The following EBF3 variants were observed in gnomAD, a reference collection of about 807,000 sequenced individuals.
The protein encoded by EBF3 is EBF transcription factor 3.
EBF3 carries 18 observed loss-of-function variants against 77.1 expected under a neutral mutation model. That is an observed-to-expected ratio of 0.23 (90% CI 0.16 to 0.35). EBF3 has a LOEUF of 0.35. Ranked by LOEUF, EBF3 falls within the 10% of genes least tolerant of loss-of-function variation. The probability of loss-of-function intolerance (pLI) is 1.00; values close to 1 mark genes in which losing one functional copy is unlikely to be tolerated. For missense variants in EBF3, 558 were observed against 860.0 expected (o/e 0.65, Z 4.39); for synonymous variants, 350 against 343.5 (o/e 1.02, Z -0.21).
chr10:129,950,876 G>T (rs1858625233), intron 6 of EBF3, among the ~76,000 whole-genome samples: 1 of 152,176 alleles, frequency 6.6e-6, no homozygotes, highest in Admixed American at 6.5e-5. Flanking sequence ...CAGAAGCTTT[G>T]CCAACTGCAG....
chr10:129,900,250 G>A lies in EBF3; in HGVS notation c.555-22401C>T, dbSNP rs191423766. Among the ~76,000 whole-genome samples, 236 of 152,302 alleles carry A rather than the reference G, an allele frequency of 1.5e-3. 2 individuals are homozygous for A. The highest frequency in any genetic ancestry group is 8.4e-3 in the Admixed American group (128 of 15,296). On this transcript the variant is annotated intron_variant, in intron 6 of 16. Coordinates refer to ENST00000440978, the MANE Select transcript of EBF3 (RefSeq NM_001375380.1). ...ATCTTCCATCCAAACAGTGTCAGAT[G>A]AAGTTAAAAGACCTGGTAAATGTGC...
At chr10:129,867,653 G>T in intron 9 of EBF3, 129 bp downstream of exon 9, 1 of 1,457,306 alleles carries the variant, frequency 6.9e-7, no homozygotes, top group Non-Finnish European at 9.2e-7. Flanking sequence ...GCTGCCACAG[G>T]CGAACAGTGC....
intron 6 of EBF3, among the ~76,000 whole-genome samples, chr10:129,925,843 C>T (rs972674423): frequency 2.0e-5 from 3 of 152,138 alleles, no homozygotes; most frequent in Admixed American, 6.5e-5. Flanking sequence ...TAGCTCCTTC[C>T]GCTGGTCTAG....
rs1858259687 is a variant in EBF3, at chr10:129,946,783, G to A, written c.554+10475C>T. ...CCACACAAAGGTGCACCTCTGGATG[G>A]GGAACCTCACCATTTATTAACTTGC... On this transcript the variant is annotated intron_variant, in intron 6 of 16. Transcript: ENST00000440978. 2.6e-5 allele frequency among the ~76,000 whole-genome samples: 4 copies of A among 152,314 alleles called. No homozygotes were observed. The South Asian group carries it at 8.3e-4, about 32-fold the overall frequency.
intron 6 of EBF3, among the ~76,000 whole-genome samples, chr10:129,915,288 C>G (rs940382844): frequency 2.6e-5 from 4 of 152,292 alleles, no homozygotes; most frequent in African/African-American, 9.6e-5. Flanking sequence ...CAGCCCGGAG[C>G]AGGACCCCCC....
At chr10:129,902,554 C>T (rs996272642) in intron 6 of EBF3, among the ~76,000 whole-genome samples, 2 of 152,172 alleles carry the variant, frequency 1.3e-5, no homozygotes, top group Admixed American at 6.5e-5. Flanking sequence ...AGTCCCAGAA[C>T]AGACAACCCA....
intron 15 of EBF3, 51 bp downstream of exon 15, chr10:129,840,194 C>A (rs751108133): frequency 3.1e-5 from 47 of 1,506,684 alleles, no homozygotes; most frequent in Admixed American, 8.2e-5. Context: ...ACTCCCATCC[C>A]CACCCCTGGA....
At position 129,958,893 on chromosome 10, in the gene EBF3, G is replaced by T. The variant is rs577376771; in HGVS notation, c.485+41C>A. ...GTCCTTTGTAGACGCAGCTGGCGCC[G>T]AGGCAGCCCGCGCCCCCGCCGCCCG... On this transcript the variant is annotated intron_variant, in intron 5 of 16. Transcript: ENST00000440978. The T allele has an allele frequency of 5.1e-6, 8 of 1,576,516 alleles. No individual in the cohort carries two copies. The African/African-American group carries it at 5.6e-5, about 11-fold the overall frequency.
Position 129,963,067 on chromosome 10 carries a change from C to A in EBF3, c.292-62G>T. 1.3e-6 allele frequency: 2 copies of A among 1,599,198 alleles called. No individual in the cohort carries two copies. The highest frequency in any genetic ancestry group is 1.1e-5 in the South Asian group (1 of 90,714). On this transcript the variant is annotated intron_variant, in intron 2 of 16. Coordinates refer to ENST00000440978, the MANE Select transcript of EBF3 (RefSeq NM_001375380.1). This position sits in a 1 kb window ranked among gnomAD's most constrained non-coding sequence, Gnocchi z 7.1. The stretch of plus-strand genomic sequence containing the variant: ...CGGTGTCAGGCGCGGCCACCACGCT[C>A]GGTCCCCCTCCGCGACCGAGGCTCT...
chr10:129,921,064 T>C lies in EBF3; in HGVS notation c.554+36194A>G, dbSNP rs1387604181. On this transcript the variant is annotated intron_variant, in intron 6 of 16. Transcript: ENST00000440978. ...GGGCAGGACCAAAGAAGCTCCAGCA[T>C]AGACAGAGTCAGCCTCATCGGCTAA... 4.6e-5 allele frequency among the ~76,000 whole-genome samples: 7 copies of C among 152,136 alleles called. No individual in the cohort carries two copies. The East Asian group carries it at 1.4e-3, about 29-fold the overall frequency.
At chr10:129,953,585 G>A (rs1320495792) in intron 6 of EBF3, among the ~76,000 whole-genome samples, 1 of 152,208 alleles carries the variant, frequency 6.6e-6, no homozygotes, top group African/African-American at 2.4e-5. Context: ...CCAGCGAGTG[G>A]GACGCCGGAG....
chr10:129,886,218 C>T (rs1484341824), intron 6 of EBF3, among the ~76,000 whole-genome samples: 2 of 152,266 alleles, frequency 1.3e-5, no homozygotes, highest in East Asian at 1.9e-4. Flanking sequence ...TGTGCATGCA[C>T]GGAGGACACC....
rs1301905389 is a variant in EBF3, at chr10:129,840,338, C to T, written c.1666G>A (p.Ala556Thr). ...GCGAAGGCGCTCTTCTGTTTCACTG[C>T]GGAGATGACATTGGCAGGTGAGAAT... ...FSFSPANVIS[A>T]VKQKSAFAPV... Residue 556 changes from alanine to threonine, a missense_variant, in exon 15 of 17, where the codon GCA becomes ACA. Coordinates refer to ENST00000440978, the MANE Select transcript of EBF3 (RefSeq NM_001375380.1). The T allele has an allele frequency of 5.0e-6, 8 of 1,584,222 alleles. No individual in the cohort carries two copies. Among genetic ancestry groups the T allele is most frequent in the Middle Eastern group, 1.7e-4 (1 of 6,048 alleles).
intron 15 of EBF3, among the ~76,000 whole-genome samples, chr10:129,839,826 AAGCC>A (rs1849884767): frequency 2.0e-5 from 3 of 152,192 alleles, no homozygotes; most frequent in Non-Finnish European, 4.4e-5. Flanking sequence ...AGCAGGCTGC[AAGCC>A]CAGGAGCTAT....
rs114806217 is a variant in EBF3, at chr10:129,889,788, C to G, written c.555-11939G>C. On this transcript the variant is annotated intron_variant, in intron 6 of 16. Transcript: ENST00000440978. The stretch of plus-strand genomic sequence containing the variant: ...TATTCCTCCACTTCTTTTCCCATGG[C>G]TATGTCACATCTGCAAAAAAAAAAA... Among the ~76,000 whole-genome samples the G allele has an allele frequency of 6.2e-3, 815 of 131,680 alleles. 9 individuals carry two copies. The highest frequency in any genetic ancestry group is 0.022 in the African/African-American group (753 of 34,270). 86.4% of individuals were successfully genotyped at this position (131,680 alleles called of 152,430 possible).
chr10:129,876,764 A>C (rs1852797494), intron 7 of EBF3, among the ~76,000 whole-genome samples: 1 of 152,180 alleles, frequency 6.6e-6, no homozygotes, highest in Non-Finnish European at 1.5e-5. Context: ...TTTTACAATT[A>C]AAATTAGCAA....
intron 10 of EBF3, among the ~76,000 whole-genome samples, chr10:129,849,545 G>A (rs1352714298): frequency 6.6e-6 from 1 of 152,166 alleles, no homozygotes; most frequent in Non-Finnish European, 1.5e-5. Context: ...ACGGCTAGGG[G>A]GCCGCCTTTG....
At chr10:129,868,117 C>T (rs974168760) in intron 8 of EBF3, among the ~76,000 whole-genome samples, 3 of 152,216 alleles carry the variant, frequency 2.0e-5, no homozygotes, top group South Asian at 2.1e-4. Context: ...GGCCGAGCTG[C>T]GGAATACTAG....
At chr10:129,894,470 G>C (rs1854231555) in intron 6 of EBF3, among the ~76,000 whole-genome samples, 1 of 152,130 alleles carries the variant, frequency 6.6e-6, no homozygotes, top group Non-Finnish European at 1.5e-5. Context: ...CATCCCACAG[G>C]TCCCAGGGGA....
Sources: allele counts gnomAD v4.1 joint callset (sites outside exome capture counted in the v4.1 genomes callset), GRCh38; gene constraint gnomAD v4.1.1; non-coding constraint Gnocchi (gnomAD v3.1); transcripts MANE v1.5; gene names NCBI Gene and HGNC (gene_info 2026-07-23, HGNC 2026-07-21).